The following TAFA1 variants were observed in gnomAD, a reference collection of about 807,000 sequenced individuals.
The protein encoded by TAFA1 is TAFA chemokine like family member 1, also known as chemokine-like protein TAFA-1.
Under a neutral mutation model 18.5 loss-of-function variants are expected in TAFA1, and 4 were observed. That is an observed-to-expected ratio of 0.22 (90% CI 0.11 to 0.49). The LOEUF is 0.49. TAFA1 is among the 20% of genes least tolerant of loss of function. TAFA1 has a pLI of 0.98. For synonymous variants in TAFA1, 56 were observed against 55.2 expected, an observed-to-expected ratio of 1.01 and a Z score of -0.06; for missense variants, 147 against 169.0, an observed-to-expected ratio of 0.87 and a Z score of 0.72.
rs562554003 is a variant in TAFA1 at position 68,385,332 on chromosome 3, A to C, written c.119-31948A>C. 3.4e-4 allele frequency among the ~76,000 whole-genome samples: 52 copies of C among 152,228 alleles called. 1 individual carries two copies. In the South Asian group the frequency reaches 7.5e-3, roughly 22 times the overall value. The stretch of plus-strand genomic sequence containing the variant: ...AACAACATGGCGTTTCCCCAGCATA[A>C]ATCCTGATCAAAGACTAAAGTACTT... On this transcript the variant is annotated intron_variant, in intron 2 of 4. Transcript: ENST00000478136.
intron 2 of TAFA1, among the ~76,000 whole-genome samples, chr3:68,141,530 A>G (rs892671433): frequency 6.6e-6 from 1 of 152,154 alleles, no homozygotes; most frequent in Non-Finnish European, 1.5e-5. Flanking sequence ...CAATCTACCC[A>G]GTTCTGGTGG....
At chr3:68,032,872 G>GCTTTTCAATT (rs1387345300) in intron 2 of TAFA1, among the ~76,000 whole-genome samples, 1 of 152,074 alleles carries the variant, frequency 6.6e-6, no homozygotes, top group Non-Finnish European at 1.5e-5. Context: ...TTGCTCTTGC[G>GCTTTTCAATT]CTTTTCAGTT....
intron 2 of TAFA1, among the ~76,000 whole-genome samples, chr3:68,221,443 A>G (rs1402429772): frequency 6.6e-6 from 1 of 152,172 alleles, no homozygotes; most frequent in Non-Finnish European, 1.5e-5. Flanking sequence ...AACAACTTAG[A>G]TAATATTTTC....
chr3:68,188,373 G>A (rs1377379433), intron 2 of TAFA1, among the ~76,000 whole-genome samples: 1 of 151,322 alleles, frequency 6.6e-6, no homozygotes, highest in African/African-American at 2.4e-5. Flanking sequence ...TTTTCTCTTT[G>A]CATCTATTCT....
intron 2 of TAFA1, among the ~76,000 whole-genome samples, chr3:68,144,645 G>A (rs1250164102): frequency 1.3e-5 from 2 of 152,202 alleles, no homozygotes; most frequent in Non-Finnish European, 2.9e-5. Flanking sequence ...GCAAAACTAA[G>A]AATATGTTTC....
intron 2 of TAFA1, among the ~76,000 whole-genome samples, chr3:68,271,834 T>TCA (rs201531729): frequency 0.073 from 10,941 of 150,198 alleles, 384 homozygotes; most frequent in East Asian, 0.13. Flanking sequence ...TCTCTCTCTC[T>TCA]CTCACACACA....
At chr3:68,504,603 A>C (rs1575931474) in intron 3 of TAFA1, among the ~76,000 whole-genome samples, 1 of 152,292 alleles carries the variant, frequency 6.6e-6, no homozygotes, top group South Asian at 2.1e-4. Context: ...AAGTGTCCTC[A>C]TATCTGACTC....
intron 2 of TAFA1, among the ~76,000 whole-genome samples, chr3:68,028,774 A>G (rs1704871946): frequency 6.7e-6 from 1 of 148,430 alleles, no homozygotes; most frequent in Non-Finnish European, 1.5e-5. Context: ...TTTTTTTGAG[A>G]TAGGGTTTCA....
intron 2 of TAFA1, among the ~76,000 whole-genome samples, chr3:68,163,622 C>T (rs1313354270): frequency 6.6e-6 from 1 of 152,076 alleles, no homozygotes; most frequent in African/African-American, 2.4e-5. Flanking sequence ...CATAATTCAC[C>T]CTGGACTGAA....
intron 2 of TAFA1, among the ~76,000 whole-genome samples, chr3:68,383,142 C>T (rs1295608159): frequency 6.6e-6 from 1 of 152,100 alleles, no homozygotes; most frequent in Non-Finnish European, 1.5e-5. Flanking sequence ...ATCATGTCAT[C>T]AGCAGAGAGG....
rs568765320 is a variant in TAFA1, at chr3:68,368,773, C to G, written c.119-48507C>G. 5.9e-5 allele frequency among the ~76,000 whole-genome samples: 9 copies of G among 152,288 alleles called. No homozygotes were observed. The South Asian group carries it at 1.9e-3, about 32-fold the overall frequency. Reference sequence around the variant, plus strand: ...AAAATCTCCACCAACTTACTTTTATCTAAACCCAAGGGAAAATGAGGGGCA... The same window carrying G: ...AAAATCTCCACCAACTTACTTTTATGTAAACCCAAGGGAAAATGAGGGGCA... On this transcript the variant is annotated intron_variant, in intron 2 of 4. Transcript: ENST00000478136.
At chr3:68,064,884 A>G (rs1190257980) in intron 2 of TAFA1, among the ~76,000 whole-genome samples, 1 of 152,042 alleles carries the variant, frequency 6.6e-6, no homozygotes, top group African/African-American at 2.4e-5. Flanking sequence ...TATTCTTTCT[A>G]GGGAATATCA....
At chr3:68,528,004 T>C (rs2073131929) in intron 3 of TAFA1, among the ~76,000 whole-genome samples, 1 of 152,132 alleles carries the variant, frequency 6.6e-6, no homozygotes, top group Admixed American at 6.5e-5. Context: ...ATGTATGTCT[T>C]TGAAATATAA....
intron 2 of TAFA1, among the ~76,000 whole-genome samples, chr3:68,356,707 G>A (rs112225165): frequency 2.6e-5 from 4 of 151,960 alleles, no homozygotes; most frequent in Admixed American, 6.6e-5. Flanking sequence ...GAATTCAAAT[G>A]CAGCTTCTTT....
chr3:68,542,865 G>C (rs1458054980), intron 4 of TAFA1, among the ~76,000 whole-genome samples: 1 of 152,170 alleles, frequency 6.6e-6, no homozygotes, highest in Non-Finnish European at 1.5e-5. Context: ...ATGTAGCTCA[G>C]TTAATCTTTA....
intron 2 of TAFA1, among the ~76,000 whole-genome samples, chr3:68,040,237 A>G (rs75725269): frequency 0.027 from 4,092 of 152,244 alleles, 205 homozygotes; most frequent in African/African-American, 0.093. Context: ...ACACTATTGC[A>G]AGGCAATTTT....
At chr3:68,486,536 T>C (rs34544453) in intron 3 of TAFA1, among the ~76,000 whole-genome samples, 29,911 of 152,172 alleles carry the variant, frequency 0.2, 3,092 homozygotes, top group African/African-American at 0.22. Flanking sequence ...AGCACTGTGA[T>C]TTGTGGAACG....
intron 2 of TAFA1, among the ~76,000 whole-genome samples, chr3:68,163,700 G>C (rs2065951237): frequency 6.6e-6 from 1 of 152,128 alleles, no homozygotes; most frequent in Non-Finnish European, 1.5e-5. Context: ...GCTGGATTTT[G>C]TTCATTACAG....
chr3:68,132,320 A>T (rs188601937), intron 2 of TAFA1, among the ~76,000 whole-genome samples: 5 of 152,298 alleles, frequency 3.3e-5, no homozygotes, highest in Admixed American at 2.0e-4. Context: ...TGCTATTGTG[A>T]ACAGTGCTGC....
Sources: gnomAD v4.1 joint callset for allele counts (sites outside exome capture counted in the v4.1 genomes callset) on GRCh38, gnomAD v4.1.1 for gene constraint, MANE v1.5 for transcripts, NCBI Gene and HGNC (gene_info 2026-07-23, HGNC 2026-07-21) for gene names.